The following HSD17B1 variants were observed in gnomAD, a reference collection of about 807,000 sequenced individuals.
HSD17B1 encodes hydroxysteroid 17-beta dehydrogenase 1.
A neutral mutation model predicts 22.7 loss-of-function variants in HSD17B1; 16 were observed. The ratio of observed to expected loss-of-function variants is 0.71; its 90% CI spans 0.48 to 1.07. The LOEUF (loss-of-function observed/expected upper bound fraction) is 1.07. HSD17B1 is among the 50% of genes least tolerant of loss of function. The pLI, the probability that HSD17B1 is intolerant of heterozygous loss-of-function variation, is 0.00. For synonymous variants in HSD17B1, 243 were observed against 211.0 expected (o/e 1.15, Z -1.31); for missense variants, 533 against 459.9 (o/e 1.16, Z -1.45).
rs1351814341 is a variant in HSD17B1 at position 42,554,549 on chromosome 17, C to T, written c.684C>T (p.Arg228=). 4.3e-6 allele frequency: 7 copies of T among 1,613,962 alleles called. No individual in the cohort carries two copies. Among genetic ancestry groups the T allele is most frequent in the African/African-American group, 1.3e-5 (1 of 75,052 alleles). ...QYLAHSKQVF[R]EAAQNPEEVA... ...TCGCCCACAGCAAGCAAGTCTTTCG[C>T]GAGGCGGCGCAGAACCCTGAGGAGG... The change falls in exon 5 of 6, where the codon CGC becomes CGT. Residue 228 remains arginine, a synonymous_variant. Coordinates refer to ENST00000585807, the MANE Select transcript of HSD17B1 (RefSeq NM_000413.4).
chr17:42,553,664 C>G, intron 3 of HSD17B1, 46 bp downstream of exon 3: 4 of 1,595,564 alleles, frequency 2.5e-6, no homozygotes, highest in Non-Finnish European at 3.4e-6. Flanking sequence ...TCTTTGTGTG[C>G]GGAGCTGAGC....
chr17:42,554,984 G>A lies in HSD17B1; in HGVS notation c.*46G>A. 1 of 1,433,694 alleles carries A rather than the reference G, an allele frequency of 7.0e-7. No homozygotes were observed. Among genetic ancestry groups the A allele is most frequent in the Admixed American group, 2.9e-5 (1 of 35,078 alleles). The allele number at this position is 1,433,694 out of a possible 1,614,324, so 88.8% of individuals were successfully genotyped here. ...TCCCGCGCCCTTCTTTGTCCCCTGG[G>A]TCTGTGTGGTCCCTGGGGATGGGGC... On this transcript the variant is annotated 3_prime_UTR_variant, in exon 6 of 6. Coordinates refer to ENST00000585807, the MANE Select transcript of HSD17B1 (RefSeq NM_000413.4).
intron 2 of HSD17B1, 63 bp from the exon 3 acceptor site, chr17:42,553,376 G>A: frequency 6.2e-7 from 1 of 1,605,366 alleles, no homozygotes; most frequent in Non-Finnish European, 8.5e-7. Context: ...CAGGGAGCAC[G>A]AGGGGACAGG....
rs1567897999 is a variant in HSD17B1, at chr17:42,553,452, C to T, written c.279C>T (p.Gly93=). The T allele has an allele frequency of 6.2e-7, 1 of 1,612,536 alleles. No individual in the cohort carries two copies. Among genetic ancestry groups the T allele is most frequent in the Non-Finnish European group, 8.5e-7 (1 of 1,179,810 alleles). The stretch of plus-strand genomic sequence containing the variant: ...TTGTCTCCGCAGTGTGTAACGCAGG[C>T]CTGGGCCTGCTGGGGCCGCTGGAGG... ...GRVDVLVCNA[G]LGLLGPLEAL... Residue 93 remains glycine, a synonymous_variant, in exon 3 of 6, where the codon GGC becomes GGT. Transcript: ENST00000585807.
Position 42,552,947 on chromosome 17 carries a change from T to C in HSD17B1, c.14T>C (p.Val5Ala). 6.2e-7 allele frequency: 1 copy of C among 1,614,050 alleles called. No homozygotes were observed. Among genetic ancestry groups the C allele is most frequent in the Non-Finnish European group, 8.5e-7 (1 of 1,179,996 alleles). ...CACAGTCTCACCATGGCCCGCACCG[T>C]GGTGCTCATCACCGGCTGTTCCTCG... is the stretch of plus-strand genomic sequence containing the variant. MART[V>A]VLITGCSSGI... The change falls in exon 1 of 6, where the codon GTG becomes GCG. Residue 5 changes from valine to alanine, a missense_variant. Transcript: ENST00000585807.
chr17:42,552,962 G>T lies in HSD17B1; in HGVS notation c.29G>T (p.Gly10Val). MARTVVLIT[G>V]CSSGIGLHLA... ...GCCCGCACCGTGGTGCTCATCACCG[G>T]CTGTTCCTCGGGCATCGGCCTGCAC... Residue 10 changes from glycine to valine, a missense_variant, in exon 1 of 6, where the codon GGC becomes GTC. Gly to Val is a moderately radical substitution (Grantham distance 109, BLOSUM62 -3). Coordinates refer to ENST00000585807, the MANE Select transcript of HSD17B1 (RefSeq NM_000413.4). 1 of 1,614,162 alleles carries T rather than the reference G, an allele frequency of 6.2e-7. No individual in the cohort carries two copies. Among genetic ancestry groups the T allele is most frequent in the Non-Finnish European group, 8.5e-7 (1 of 1,180,036 alleles).
At position 42,553,005 on chromosome 17, in the gene HSD17B1, T is replaced by C; in HGVS notation, c.72T>C (p.Ala24=). 1 of 1,614,104 alleles carries C rather than the reference T, an allele frequency of 6.2e-7. No individual in the cohort carries two copies. The highest frequency in any genetic ancestry group is 8.5e-7 in the Non-Finnish European group (1 of 1,179,984). Residue 24 remains alanine, a synonymous_variant, in exon 1 of 6, where the codon GCT becomes GCC. Coordinates refer to ENST00000585807, the MANE Select transcript of HSD17B1 (RefSeq NM_000413.4). Reference sequence around the variant, plus strand: ...GCCTGCACTTGGCCGTACGTCTGGCTTCAGATCCATCCCAGAGCTTCAAAG... The same window carrying C: ...GCCTGCACTTGGCCGTACGTCTGGCCTCAGATCCATCCCAGAGCTTCAAAG... The part of the protein sequence containing the change: ...GIGLHLAVRL[A]SDPSQSFKVY...
chr17:42,554,318 G>A (rs1597706378), intron 4 of HSD17B1, 87 bp from the exon 5 acceptor site: 4 of 1,461,228 alleles, frequency 2.7e-6, no homozygotes, highest in African/African-American at 2.8e-5. Context: ...GGGCCGGGAC[G>A]TGGTTGGGGC....
chr17:42,553,861 G>A lies in HSD17B1; in HGVS notation c.513G>A (p.Ala171=). The change falls in exon 4 of 6, where the codon GCG becomes GCA. Residue 171 remains alanine (A), a synonymous_variant. Coordinates refer to ENST00000585807, the MANE Select transcript of HSD17B1 (RefSeq NM_000413.4). ...FALEGLCESL[A]VLLLPFGVHL... Reference sequence around the variant, plus strand: ...TCGAAGGCTTATGCGAGAGTCTGGCGGTTCTGCTGCTGCCCTTTGGGGTCC... The same window carrying A: ...TCGAAGGCTTATGCGAGAGTCTGGCAGTTCTGCTGCTGCCCTTTGGGGTCC... The A allele has an allele frequency of 1.9e-6, 3 of 1,613,074 alleles. No homozygotes were observed. Among genetic ancestry groups the A allele is most frequent in the Non-Finnish European group, 2.5e-6 (3 of 1,179,416 alleles).
At position 42,554,582 on chromosome 17, in the gene HSD17B1, G is replaced by A. The variant is rs1171151679; in HGVS notation, c.717G>A (p.Glu239=). ...CGCAGAACCCTGAGGAGGTGGCGGA[G>A]GTGAGCGCCGGGCTGGACTCCAGGA... is the stretch of plus-strand genomic sequence containing the variant. ...EAAQNPEEVA[E]VFLTALRAPK... The change falls in exon 5 of 6, where the codon GAG becomes GAA. Residue 239 remains glutamate (E), a splice_region_variant and synonymous_variant. Transcript: ENST00000585807. 6.2e-7 allele frequency: 1 copy of A among 1,613,072 alleles called. No homozygotes were observed. The highest frequency in any genetic ancestry group is 8.5e-7 in the Non-Finnish European group (1 of 1,179,590).
Position 42,555,065 on chromosome 17 carries a change from A to T in HSD17B1, c.*127A>T, listed in dbSNP as rs1023393563. On this transcript the variant is annotated 3_prime_UTR_variant, in exon 6 of 6. Transcript: ENST00000585807. ...ATAGATCGCGTTAGCCAGTTTTACC[A>T]GCGCAGCTAGGCGCGATGGCTGTCG... 7.3e-7 allele frequency: 1 copy of T among 1,375,520 alleles called. No homozygotes were observed. 85.2% of individuals were successfully genotyped at this position (1,375,520 alleles called of 1,614,324 possible).
At chr17:42,553,731 A>G in intron 3 of HSD17B1, 63 bp from the exon 4 acceptor site, 2 of 1,596,960 alleles carry the variant, frequency 1.3e-6, no homozygotes, top group Non-Finnish European at 1.7e-6. Context: ...TTGGAGGGGC[A>G]CCGTCTGCCC....
In HSD17B1 at chr17:42,554,836, G is replaced by A. The variant is rs773483774; in HGVS notation, c.885G>A (p.Gly295=). The A allele has an allele frequency of 1.1e-5, 18 of 1,594,696 alleles. No individual in the cohort carries two copies. In the Admixed American group the frequency reaches 2.5e-4, roughly 22 times the overall value. Residue 295 remains glycine (G), a synonymous_variant, in exon 6 of 6, where the codon GGG becomes GGA. Transcript: ENST00000585807. ...ACGTTCCGGCAAAGGCCGAGGCTGG[G>A]GCCGAGGCTGGGGGCGGGGCCGGGC... ...FGDVPAKAEA[G]AEAGGGAGPG...
Position 42,554,602 on chromosome 17 carries a change from C to G in HSD17B1, c.717+20C>G, listed in dbSNP as rs775167012. On this transcript the variant is annotated intron_variant, in intron 5 of 5. Transcript: ENST00000585807. ...GCGGAGGTGAGCGCCGGGCTGGACT[C>G]CAGGAGTGGGGGCGGTGCGTCCTCC... The G allele has an allele frequency of 1.2e-6, 2 of 1,610,558 alleles. No homozygotes were observed. Among genetic ancestry groups the G allele is most frequent in the Non-Finnish European group, 1.7e-6 (2 of 1,178,376 alleles).
At chr17:42,553,650 A>G (rs1187385735) in intron 3 of HSD17B1, 32 bp downstream of exon 3, 5 of 1,597,572 alleles carry the variant, frequency 3.1e-6, no homozygotes, top group Non-Finnish European at 4.3e-6. Context: ...CGGCAGCTCC[A>G]GATTCTTTGT....
At chr17:42,553,749 A>C (rs200100050) in intron 3 of HSD17B1, 45 bp from the exon 4 acceptor site, 1 of 1,601,566 alleles carries the variant, frequency 6.2e-7, no homozygotes, top group Admixed American at 1.7e-5. Context: ...CCCGGGGATG[A>C]CCCCCTGGCC....
In HSD17B1 at chr17:42,555,088, T is replaced by C; in HGVS notation, c.*150T>C. On this transcript the variant is annotated 3_prime_UTR_variant, in exon 6 of 6. Transcript: ENST00000585807. ...CCAGCGCAGCTAGGCGCGATGGCTG[T>C]CGCCTGTAATGCCAGCGCTTTGGGA... 1 of 1,360,820 alleles carries C rather than the reference T, an allele frequency of 7.3e-7. No individual in the cohort carries two copies. Among genetic ancestry groups the C allele is most frequent in the Non-Finnish European group, 9.4e-7 (1 of 1,059,828 alleles). The allele number at this position is 1,360,820 out of a possible 1,614,324, so 84.3% of individuals were successfully genotyped here.
Position 42,553,694 on chromosome 17 carries a change from G to C in HSD17B1, c.445+76G>C, listed in dbSNP as rs537368847. 3.9e-4 allele frequency: 621 copies of C among 1,598,390 alleles called. 3 individuals are homozygous for C. Among genetic ancestry groups the C allele is most frequent in the Middle Eastern group, 2.1e-4 (1 of 4,720 alleles). ...CTGAGCCTTGAAGGCAGGTTCCGCG[G>C]GGGGGGTGGAGTGGGGTGCCGTCAG... is the stretch of plus-strand genomic sequence containing the variant. On this transcript the variant is annotated intron_variant, in intron 3 of 5. Transcript: ENST00000585807.
At position 42,552,971 on chromosome 17, in the gene HSD17B1, C is replaced by T. The variant is rs778944174; in HGVS notation, c.38C>T (p.Ser13Leu). Residue 13 changes from serine to leucine, a missense_variant, in exon 1 of 6, where the codon TCG (serine) becomes TTG (leucine). By Grantham distance (145) the Ser-to-Leu change is moderately radical. Coordinates refer to ENST00000585807, the MANE Select transcript of HSD17B1 (RefSeq NM_000413.4). ...RTVVLITGCS[S>L]GIGLHLAVRL... ...GTGGTGCTCATCACCGGCTGTTCCT[C>T]GGGCATCGGCCTGCACTTGGCCGTA... 6 of 1,614,142 alleles carry T rather than the reference C, an allele frequency of 3.7e-6. No individual in the cohort carries two copies. The highest frequency in any genetic ancestry group is 5.1e-6 in the Non-Finnish European group (6 of 1,180,018).
Sources: allele counts gnomAD v4.1 joint callset, GRCh38; gene constraint gnomAD v4.1.1; transcripts MANE v1.5; gene names NCBI Gene and HGNC (gene_info 2026-07-23, HGNC 2026-07-21).